Variants in SGCE observed in about 807,000 individuals in gnomAD.
SGCE encodes the protein sarcoglycan epsilon.
SGCE carries 26 observed loss-of-function variants against 57.8 expected under a neutral mutation model. The observed-to-expected ratio is 0.45, with a 90% CI of 0.33 to 0.62. The LOEUF (loss-of-function observed/expected upper bound fraction) is 0.62. Among genes scored for constraint, SGCE ranks in the 20% least tolerant of loss-of-function variants. The pLI is 0.02. For synonymous variants in SGCE, 183 were observed against 189.5 expected (o/e 0.97, Z 0.28); for missense variants, 468 against 548.6 (o/e 0.85, Z 1.47).
chr7:94,617,464 G>A (rs1330247501), intron 5 of SGCE: 1 of 152,146 alleles, frequency 6.6e-6, no homozygotes, highest in African/African-American at 2.4e-5. Context: ...TAAGAAAACT[G>A]TTTTAAAAAC....
chr7:94,629,462 G>A (rs180778408), intron 2 of SGCE: 45 of 393,334 alleles, frequency 1.1e-4, no homozygotes, highest in South Asian at 7.4e-4. Flanking sequence ...TGTGAATATA[G>A]GTAGATCACT....
intron 9 of SGCE, among the ~76,000 whole-genome samples, chr7:94,591,605 G>A (rs1157999846): frequency 1.4e-5 from 2 of 146,400 alleles, no homozygotes; most frequent in Non-Finnish European, 3.1e-5. Context: ...ATCAGCATTT[G>A]GATGAGGTAG....
In SGCE at chr7:94,629,892, G is replaced by A. The variant is rs148198080; in HGVS notation, c.110-51C>T. On this transcript the variant is annotated intron_variant, in intron 1 of 10. Coordinates refer to ENST00000648936, the MANE Select transcript of SGCE (RefSeq NM_003919.3). ...GACAGAAAGACAAATAATGAGATAC[G>A]CCCTTGATAATTCAGCTTACGCTGT... 1,106 of 1,600,872 alleles carry A rather than the reference G, an allele frequency of 6.9e-4. 14 individuals carry two copies. In the African/African-American group the frequency reaches 0.013, roughly 19 times the overall value.
chr7:94,588,653 A>G (rs1251344712), intron 10 of SGCE, 36 bp downstream of exon 10: 3 of 1,571,306 alleles, frequency 1.9e-6, no homozygotes, highest in Non-Finnish European at 2.6e-6. Flanking sequence ...TATTAGATTC[A>G]TTCATAAACA....
chr7:94,651,934 AT>A (rs34458970), intron 1 of SGCE, among the ~76,000 whole-genome samples: 18,150 of 150,734 alleles, frequency 0.12, 1,269 homozygotes, highest in South Asian at 0.24. Flanking sequence ...TTTCTTCTTT[AT>A]TATTTTTTTT....
intron 3 of SGCE, chr7:94,626,804 G>A (rs1289625016): frequency 6.6e-6 from 1 of 151,926 alleles, no homozygotes; most frequent in Non-Finnish European, 1.5e-5. Context: ...TTACTATGAA[G>A]AATGATGTTT....
intron 6 of SGCE, among the ~76,000 whole-genome samples, chr7:94,601,459 A>AC: frequency 1.5e-5 from 1 of 68,562 alleles, no homozygotes; most frequent in Admixed American, 1.8e-4. Context: ...AAAAAAAAAA[A>AC]AAAAAAAAAA....
intron 1 of SGCE, among the ~76,000 whole-genome samples, chr7:94,637,018 C>G (rs913128693): frequency 6.7e-6 from 1 of 149,868 alleles, no homozygotes; most frequent in South Asian, 2.1e-4. Context: ...GAGATCACAC[C>G]ATTGCACTCC....
In SGCE at chr7:94,585,231, T is replaced by C; in HGVS notation, c.*268A>G. ...AGTAAATTTCACCAGTCATTAGGCT[T>C]CATTAATAATATTTATTTTAAAGAT... is the stretch of plus-strand genomic sequence containing the variant. On this transcript the variant is annotated 3_prime_UTR_variant, in exon 11 of 11. Coordinates refer to ENST00000648936, the MANE Select transcript of SGCE (RefSeq NM_003919.3). The C allele has an allele frequency of 2.4e-6, 1 of 410,542 alleles. No individual in the cohort carries two copies. The highest frequency in any genetic ancestry group is 4.4e-6 in the Non-Finnish European group (1 of 229,480). The allele number at this position is 410,542 out of a possible 1,614,324, so 25.4% of individuals were successfully genotyped here.
At chr7:94,631,595 A>G (rs533521524) in intron 1 of SGCE, among the ~76,000 whole-genome samples, 1 of 152,102 alleles carries the variant, frequency 6.6e-6, no homozygotes, top group South Asian at 2.1e-4. Flanking sequence ...GAGATGTGGA[A>G]TTTCAGCATT....
chr7:94,632,138 A>G (rs1804813669), intron 1 of SGCE, among the ~76,000 whole-genome samples: 1 of 152,054 alleles, frequency 6.6e-6, no homozygotes, highest in African/African-American at 2.4e-5. Context: ...TGACATTATA[A>G]ACTAATAGTC....
chr7:94,603,450 A>G lies in SGCE; in HGVS notation c.665T>C (p.Val222Ala). Residue 222 changes from valine (V) to alanine (A), a missense_variant and splice_region_variant, in exon 6 of 11, where the codon GTT becomes GCT. Val to Ala is a moderately conservative substitution (Grantham distance 64). Coordinates refer to ENST00000648936, the MANE Select transcript of SGCE (RefSeq NM_003919.3). ...PLPINDLKEG[V>A]YVMVGADVPF... The stretch of plus-strand genomic sequence containing the variant: ...GACATCTGCACCAACCATGACATAA[A>G]CGCTGTAAAAATGTGAAACTCTCAG... 6.2e-7 allele frequency: 1 copy of G among 1,612,880 alleles called. No homozygotes were observed. The highest frequency in any genetic ancestry group is 8.5e-7 in the Non-Finnish European group (1 of 1,179,154).
chr7:94,591,303 G>A (rs1797643271), intron 9 of SGCE, among the ~76,000 whole-genome samples: 1 of 152,116 alleles, frequency 6.6e-6, no homozygotes, highest in African/African-American at 2.4e-5. Context: ...GGGAGGATGT[G>A]TTTTATTTTA....
At chr7:94,587,403 C>T in intron 10 of SGCE, 2 of 1,123,364 alleles carry the variant, frequency 1.8e-6, no homozygotes, top group South Asian at 4.1e-5. Flanking sequence ...CACTCCATGC[C>T]TGAAATAATT....
chr7:94,654,771 T>C (rs941241086), intron 1 of SGCE, among the ~76,000 whole-genome samples: 6 of 152,206 alleles, frequency 3.9e-5, no homozygotes, highest in Non-Finnish European at 8.8e-5. Flanking sequence ...TATAAAATAA[T>C]CCGTAGCAAT....
chr7:94,651,246 C>T (rs967001311), intron 1 of SGCE, among the ~76,000 whole-genome samples: 3 of 152,180 alleles, frequency 2.0e-5, no homozygotes, highest in African/African-American at 7.2e-5. Flanking sequence ...GCATTGCAGC[C>T]CACTTAAAAA....
At chr7:94,654,286 A>C (rs754186001) in intron 1 of SGCE, among the ~76,000 whole-genome samples, 13 of 152,188 alleles carry the variant, frequency 8.5e-5, no homozygotes, top group Admixed American at 2.6e-4. Flanking sequence ...CAAACTTTTA[A>C]AGTCTTAAGA....
intron 1 of SGCE, chr7:94,639,496 AT>A: frequency 8.8e-7 from 1 of 1,132,364 alleles, no homozygotes; most frequent in Non-Finnish European, 1.3e-6. Context: ...TAATGTCATG[AT>A]TTTTTAAAAT....
At chr7:94,587,609 C>A in intron 10 of SGCE, 1 of 1,381,552 alleles carries the variant, frequency 7.2e-7, no homozygotes, top group Non-Finnish European at 9.3e-7. Context: ...AAGTTTGTTC[C>A]TTCATCAATC....
Sources: gnomAD v4.1 joint callset for allele counts (sites outside exome capture counted in the v4.1 genomes callset) on GRCh38, gnomAD v4.1.1 for gene constraint, MANE v1.5 for transcripts, NCBI Gene and HGNC (gene_info 2026-07-23, HGNC 2026-07-21) for gene names.